The following IQCM variants were observed in gnomAD, a reference collection of about 807,000 sequenced individuals.
IQCM encodes IQ motif containing M.
A neutral mutation model predicts 57.6 loss-of-function variants in IQCM; 45 were observed. The ratio of observed to expected loss-of-function variants is 0.78; its 90% CI spans 0.62 to 1.00. The LOEUF (loss-of-function observed/expected upper bound fraction) is 1.00, where lower values mean the gene tolerates loss of function less well. Ranked by LOEUF, IQCM falls within the 50% of genes least tolerant of loss-of-function variation. IQCM has a pLI of 0.00. For synonymous variants in IQCM, 148 were observed against 158.9 expected (o/e 0.93, Z 0.51); for missense variants, 468 against 511.6 (o/e 0.91, Z 0.82).
At chr4:149,406,601 T>C (rs1308553587) in intron 13 of IQCM, among the ~76,000 whole-genome samples, 3 of 152,028 alleles carry the variant, frequency 2.0e-5, no homozygotes, top group Admixed American at 6.6e-5. Context: ...CAGAGCAAAG[T>C]GAAAAAATAC....
chr4:149,722,020 T>G (rs559464791), intron 5 of IQCM, among the ~76,000 whole-genome samples: 1 of 152,300 alleles, frequency 6.6e-6, no homozygotes, highest in African/African-American at 2.4e-5. Context: ...ATTGTGGTTT[T>G]AATTTGCATT....
At chr4:149,783,352 C>T (rs1410070926) in intron 2 of IQCM, among the ~76,000 whole-genome samples, 4 of 152,190 alleles carry the variant, frequency 2.6e-5, no homozygotes, top group Admixed American at 6.5e-5. Flanking sequence ...TATTAACAAA[C>T]GCTCTCAAAA....
intron 7 of IQCM, among the ~76,000 whole-genome samples, chr4:149,650,408 T>G (rs1363946997): frequency 6.7e-6 from 1 of 148,982 alleles, no homozygotes; most frequent in Non-Finnish European, 1.5e-5. Context: ...TTCTGGGTTT[T>G]TTTTTTTTTT....
intron 12 of IQCM, among the ~76,000 whole-genome samples, chr4:149,496,167 G>A (rs1742638794): frequency 6.6e-6 from 1 of 152,016 alleles, no homozygotes; most frequent in Non-Finnish European, 1.5e-5. Flanking sequence ...GGGGTGAAAT[G>A]GGAATATTTG....
At chr4:149,752,396 AC>A (rs1205074408) in intron 2 of IQCM, among the ~76,000 whole-genome samples, 9 of 152,144 alleles carry the variant, frequency 5.9e-5, no homozygotes, top group Admixed American at 5.9e-4. Flanking sequence ...TACTAAAAAT[AC>A]AAAAATTAGC....
intron 8 of IQCM, among the ~76,000 whole-genome samples, chr4:149,603,971 A>T (rs1167861031): frequency 6.6e-6 from 1 of 151,966 alleles, no homozygotes; most frequent in Non-Finnish European, 1.5e-5. Flanking sequence ...TGCCACCACT[A>T]CTGTTATTAT....
intron 12 of IQCM, among the ~76,000 whole-genome samples, chr4:149,484,604 T>A (rs1440971927): frequency 6.6e-6 from 1 of 152,020 alleles, no homozygotes; most frequent in Non-Finnish European, 1.5e-5. Flanking sequence ...CTCTACACTT[T>A]AATTTTGTCC....
intron 12 of IQCM, among the ~76,000 whole-genome samples, chr4:149,458,215 T>A (rs1737907559): frequency 6.6e-6 from 1 of 152,026 alleles, no homozygotes; most frequent in Non-Finnish European, 1.5e-5. Context: ...TTAAATTACA[T>A]TAGCCACCTG....
intron 8 of IQCM, among the ~76,000 whole-genome samples, chr4:149,615,496 C>G (rs1008747281): frequency 6.6e-6 from 1 of 152,064 alleles, no homozygotes; most frequent in African/African-American, 2.4e-5. Context: ...ATTAAAGTAA[C>G]TGGAAATTCT....
chr4:149,409,796 G>A (rs1578963493), intron 13 of IQCM, among the ~76,000 whole-genome samples: 1 of 152,154 alleles, frequency 6.6e-6, no homozygotes, highest in South Asian at 2.1e-4. Flanking sequence ...AGCACAGAGA[G>A]GATAAGCAGG....
At position 149,438,472 on chromosome 4, in the gene IQCM, AT is replaced by A. The variant is rs201532568; in HGVS notation, c.1229-4916del. 3.3e-3 allele frequency among the ~76,000 whole-genome samples: 509 copies of A among 152,238 alleles called. 2 individuals are homozygous for A. The highest frequency in any genetic ancestry group is 1.0e-2 in the African/African-American group (414 of 41,572). On this transcript the variant is annotated intron_variant, in intron 12 of 13. Transcript: ENST00000636793. ...GTGGACAAATAATCTATAACCCAGC[AT>A]AAATGACCAGTTTTTAAATGCTGTG...
Position 149,381,656 on chromosome 4 carries a change from C to G in IQCM, c.1391-29590G>C, listed in dbSNP as rs138145965. 2.5e-3 allele frequency among the ~76,000 whole-genome samples: 373 copies of G among 152,216 alleles called. 3 individuals carry two copies. Among genetic ancestry groups the G allele is most frequent in the Admixed American group, 0.01 (157 of 15,276 alleles). On this transcript the variant is annotated intron_variant, in intron 13 of 13. Transcript: ENST00000636793. Reference sequence around the variant, plus strand: ...CTGAGTGCAGTTTTTCCTATCATTGCATTTAAACTAAAGTATCACCTACCC... The same window carrying G: ...CTGAGTGCAGTTTTTCCTATCATTGGATTTAAACTAAAGTATCACCTACCC...
At chr4:149,486,224 C>T (rs965691703) in intron 12 of IQCM, among the ~76,000 whole-genome samples, 3 of 152,064 alleles carry the variant, frequency 2.0e-5, no homozygotes, top group African/African-American at 7.2e-5. Context: ...CTTCCAGGCC[C>T]TGGGTGTGTC....
chr4:149,578,819 G>A lies in IQCM; in HGVS notation c.749+9111C>T, dbSNP rs148985772. ...CAAAAGACTGGGGAGACCCCCAAGC[G>A]GGAACACACAGAATGATGGTCAGGC... On this transcript the variant is annotated intron_variant, in intron 9 of 13. Transcript: ENST00000636793. Among the ~76,000 whole-genome samples, 32 of 151,936 alleles carry A rather than the reference G, an allele frequency of 2.1e-4. No homozygotes were observed. In the East Asian group the frequency reaches 5.7e-3, roughly 27 times the overall value.
At chr4:149,552,449 C>T (rs1180069958) in intron 11 of IQCM, among the ~76,000 whole-genome samples, 1 of 151,932 alleles carries the variant, frequency 6.6e-6, no homozygotes, top group Non-Finnish European at 1.5e-5. Context: ...TATCCTAATC[C>T]TAAGCAATAC....
At chr4:149,778,002 T>C (rs1041845502) in intron 2 of IQCM, among the ~76,000 whole-genome samples, 19 of 152,180 alleles carry the variant, frequency 1.2e-4, no homozygotes, top group African/African-American at 4.6e-4. Context: ...TCCAAACCCA[T>C]GGAAACTAAA....
At chr4:149,473,563 G>A (rs1157662150) in intron 12 of IQCM, among the ~76,000 whole-genome samples, 1 of 152,216 alleles carries the variant, frequency 6.6e-6, no homozygotes, top group Non-Finnish European at 1.5e-5. Context: ...GGAAGACAGT[G>A]TGGTGATTCC....
intron 7 of IQCM, among the ~76,000 whole-genome samples, chr4:149,637,764 T>G (rs1001083581): frequency 6.6e-6 from 1 of 152,140 alleles, no homozygotes; most frequent in African/African-American, 2.4e-5. Context: ...AGCAATTCAA[T>G]GGAGAAGGAA....
At chr4:149,637,385 C>A (rs1757824101) in intron 7 of IQCM, among the ~76,000 whole-genome samples, 1 of 151,830 alleles carries the variant, frequency 6.6e-6, no homozygotes, top group Non-Finnish European at 1.5e-5. Context: ...TAAAGAAGGC[C>A]TAAATTAATA....
Sources: gnomAD v4.1 joint callset for allele counts (sites outside exome capture counted in the v4.1 genomes callset) on GRCh38, gnomAD v4.1.1 for gene constraint, MANE v1.5 for transcripts, NCBI Gene and HGNC (gene_info 2026-07-23, HGNC 2026-07-21) for gene names.